THSD4: variants seen among roughly 807,000 people sequenced by gnomAD.
The protein encoded by THSD4 is thrombospondin type 1 domain containing 4.
A neutral mutation model predicts 119.0 loss-of-function variants in THSD4; 69 were observed. The observed-to-expected ratio is 0.58, with a 90% CI of 0.48 to 0.71. THSD4 has a LOEUF of 0.71. Ranked by LOEUF, THSD4 falls within the 30% of genes least tolerant of loss-of-function variation. THSD4 has a pLI of 0.00. For synonymous variants in THSD4, 524 were observed against 540.4 expected (o/e 0.97, Z 0.42); for missense variants, 1,393 against 1,391.1 (o/e 1.00, Z -0.02).
chr15:71,462,888 C>T (rs74462507), intron 7 of THSD4, among the ~76,000 whole-genome samples: 3,648 of 152,232 alleles, frequency 0.024, 65 homozygotes, highest in African/African-American at 0.031. Flanking sequence ...TGTGCCAGTC[C>T]GGATGTCTTA....
intron 7 of THSD4, among the ~76,000 whole-genome samples, chr15:71,532,144 G>T (rs2048618061): frequency 6.6e-6 from 1 of 152,080 alleles, no homozygotes; most frequent in African/African-American, 2.4e-5. Context: ...TGGTCACTGG[G>T]ACCTTTGGTG....
Position 71,765,054 on chromosome 15 carries a change from G to A in THSD4, c.2624G>A (p.Arg875Lys), listed in dbSNP as rs1242471418. ...SIECGSGTQQ[R>K]EVICVRKNAD... Reference sequence around the variant, plus strand: ...GAGTGTGGGAGCGGGACGCAACAGAGGGAGGTGATTTGTGTTAGAAAGAAT... The same window carrying A: ...GAGTGTGGGAGCGGGACGCAACAGAAGGAGGTGATTTGTGTTAGAAAGAAT... Residue 875 changes from arginine (R) to lysine (K), a missense_variant, in exon 16 of 18, where the codon AGG (arginine) becomes AAG (lysine). Transcript: ENST00000261862. 1.1e-5 allele frequency: 17 copies of A among 1,614,218 alleles called. No individual in the cohort carries two copies. In the East Asian group the frequency reaches 2.0e-4, roughly 19 times the overall value.
chr15:71,531,179 G>A (rs1211708165), intron 7 of THSD4, among the ~76,000 whole-genome samples: 1 of 152,088 alleles, frequency 6.6e-6, no homozygotes, highest in African/African-American at 2.4e-5. Flanking sequence ...TGTGGGATGG[G>A]GCTAGATCCT....
chr15:71,407,257 C>G (rs911444224), intron 6 of THSD4, among the ~76,000 whole-genome samples: 3 of 152,102 alleles, frequency 2.0e-5, no homozygotes, highest in Admixed American at 2.0e-4. Context: ...TCTGCTTTCT[C>G]CCCCATTTCC....
At chr15:71,673,234 G>A (rs2051569617) in intron 8 of THSD4, among the ~76,000 whole-genome samples, 1 of 152,142 alleles carries the variant, frequency 6.6e-6, no homozygotes, top group Non-Finnish European at 1.5e-5. Context: ...TATGTGTCCA[G>A]GAATTTATCC....
At chr15:71,582,420 T>C (rs2049576678) in intron 7 of THSD4, among the ~76,000 whole-genome samples, 1 of 152,188 alleles carries the variant, frequency 6.6e-6, no homozygotes, top group Non-Finnish European at 1.5e-5. Flanking sequence ...GATCATGTCA[T>C]CTGCAAACAG....
At position 71,737,826 on chromosome 15, in the gene THSD4, G is replaced by C; in HGVS notation, c.1725G>C (p.Gly575=). The stretch of plus-strand genomic sequence containing the variant: ...ACGAGGAGAAGGAAGACTTGCGTGG[G>C]GAGGCCCCTGAGATGTTCACCTCAG... ...GRNEEKEDLR[G]EAPEMFTSES... is the part of the protein sequence containing the mutation. Residue 575 remains glycine (G), a synonymous_variant, in exon 11 of 18, where the codon GGG becomes GGC. Coordinates refer to ENST00000261862, the MANE Select transcript of THSD4 (RefSeq NM_024817.3). 6.2e-7 allele frequency: 1 copy of C among 1,614,228 alleles called. No homozygotes were observed. Among genetic ancestry groups the C allele is most frequent in the Non-Finnish European group, 8.5e-7 (1 of 1,180,038 alleles).
chr15:71,377,410 G>T (rs2046153073), intron 6 of THSD4, among the ~76,000 whole-genome samples: 1 of 152,112 alleles, frequency 6.6e-6, no homozygotes, highest in African/African-American at 2.4e-5. Flanking sequence ...AAAGGGGAGA[G>T]GGGAGGAAGG....
At chr15:71,680,902 T>C (rs1434245415) in intron 8 of THSD4, among the ~76,000 whole-genome samples, 1 of 151,652 alleles carries the variant, frequency 6.6e-6, no homozygotes, top group Non-Finnish European at 1.5e-5. Flanking sequence ...AAACATCAGA[T>C]GTCATTACTA....
chr15:71,415,428 ATATT>A (rs2046746055), intron 7 of THSD4, among the ~76,000 whole-genome samples: 1 of 152,236 alleles, frequency 6.6e-6, no homozygotes, highest in African/African-American at 2.4e-5. Context: ...CACATAATAT[ATATT>A]TATAGAGTAC....
chr15:71,512,037 C>A (rs1198256464), intron 7 of THSD4, among the ~76,000 whole-genome samples: 3 of 152,148 alleles, frequency 2.0e-5, no homozygotes, highest in East Asian at 1.9e-4. Context: ...GGCTTCATAT[C>A]CCCTACAGAG....
At chr15:71,377,910 ACAC>A (rs1455236765) in intron 6 of THSD4, among the ~76,000 whole-genome samples, 1 of 103,680 alleles carries the variant, frequency 9.6e-6, no homozygotes, top group Non-Finnish European at 2.1e-5. Flanking sequence ...ACACACACAC[ACAC>A]AATTTCCTTC....
intron 15 of THSD4, among the ~76,000 whole-genome samples, chr15:71,758,949 T>A (rs2053587601): frequency 1.3e-5 from 2 of 152,014 alleles, no homozygotes; most frequent in African/African-American, 4.8e-5. Flanking sequence ...GTCACCCCAC[T>A]CCTGGGGATT....
rs185640926 is a variant in THSD4 at position 71,681,944 on chromosome 15, T to A, written c.1357+21210T>A. Among the ~76,000 whole-genome samples the A allele has an allele frequency of 7.3e-4, 111 of 152,236 alleles. No homozygotes were observed. The East Asian group carries it at 0.017, about 23-fold the overall frequency. ...TTACTATTCTCTGATGTGTTGGTCT[T>A]TAAAATGTTCAGCTGTGCCTCAGAG... On this transcript the variant is annotated intron_variant, in intron 8 of 17. Coordinates refer to ENST00000261862, the MANE Select transcript of THSD4 (RefSeq NM_024817.3).
intron 1 of THSD4, among the ~76,000 whole-genome samples, chr15:71,107,174 A>G (rs1007041778): frequency 1.3e-5 from 2 of 152,240 alleles, no homozygotes; most frequent in Admixed American, 6.5e-5. Flanking sequence ...TGCTGTCTTC[A>G]TGAAACCGTT....
At chr15:71,136,849 G>A (rs2040556832) in intron 1 of THSD4, among the ~76,000 whole-genome samples, 1 of 152,154 alleles carries the variant, frequency 6.6e-6, no homozygotes, top group Non-Finnish European at 1.5e-5. Flanking sequence ...GGGCCTGTGT[G>A]TAAGGGGCGG....
intron 1 of THSD4, among the ~76,000 whole-genome samples, chr15:71,106,041 A>C (rs963207081): frequency 2.0e-5 from 3 of 152,200 alleles, no homozygotes; most frequent in Non-Finnish European, 4.4e-5. Flanking sequence ...CACTTGAAGC[A>C]CCTGCCAAAA....
At chr15:71,619,000 G>A (rs368053753) in intron 7 of THSD4, among the ~76,000 whole-genome samples, 5 of 143,404 alleles carry the variant, frequency 3.5e-5, no homozygotes, top group African/African-American at 7.8e-5. Flanking sequence ...TTTGAGTTTC[G>A]CTCTTGTTGC....
chr15:71,471,105 C>T (rs951217192), intron 7 of THSD4, among the ~76,000 whole-genome samples: 1 of 152,200 alleles, frequency 6.6e-6, no homozygotes, highest in South Asian at 2.1e-4. Context: ...TGATGCCTGT[C>T]GGTTCCTGCA....
Sources: gnomAD v4.1 joint callset for allele counts (sites outside exome capture counted in the v4.1 genomes callset) on GRCh38, gnomAD v4.1.1 for gene constraint, MANE v1.5 for transcripts, NCBI Gene and HGNC (gene_info 2026-07-23, HGNC 2026-07-21) for gene names.